Variants in SOX5 observed in about 807,000 individuals in gnomAD.
The protein encoded by SOX5 is SRY-box transcription factor 5, also known as transcription factor SOX-5.
Under a neutral mutation model 92.0 loss-of-function variants are expected in SOX5, and 9 were observed. The ratio of observed to expected loss-of-function variants is 0.10; its 90% confidence interval spans 0.06 to 0.17. SOX5 has a LOEUF of 0.17. SOX5 is among the 10% of genes least tolerant of loss of function. The probability of loss-of-function intolerance (pLI) is 1.00; values close to 1 mark genes in which losing one functional copy is unlikely to be tolerated. For missense variants in SOX5, 642 were observed against 944.5 expected (o/e 0.68, Z 4.20); for synonymous variants, 344 against 336.3 (o/e 1.02, Z -0.25).
At chr12:24,111,189 A>T (rs1464474042) in intron 4 of SOX5, among the ~76,000 whole-genome samples, 1 of 152,138 alleles carries the variant, frequency 6.6e-6, no homozygotes, top group Non-Finnish European at 1.5e-5. Context: ...CCCCCATTGA[A>T]AACACTGCTC....
chr12:24,166,248 G>A (rs889578336), intron 4 of SOX5, among the ~76,000 whole-genome samples: 1 of 152,132 alleles, frequency 6.6e-6, no homozygotes, highest in African/African-American at 2.4e-5. Context: ...CTTCATAGAA[G>A]AGGGAGAGAG....
At chr12:24,310,840 T>C (rs1484126185) in intron 2 of SOX5, among the ~76,000 whole-genome samples, 1 of 151,454 alleles carries the variant, frequency 6.6e-6, no homozygotes, top group Non-Finnish European at 1.5e-5. Flanking sequence ...ATTTTCAGTG[T>C]TTTCAATTTT....
At chr12:24,443,457 T>G (rs7297742) in intron 1 of SOX5, among the ~76,000 whole-genome samples, 56,656 of 152,094 alleles carry the variant, frequency 0.37, 11,227 homozygotes, top group Non-Finnish European at 0.45. Context: ...AAACATAAAC[T>G]GTTCAGCATA....
Position 24,410,888 on chromosome 12 carries a change from G to A in SOX5, c.-250-42249C>T, listed in dbSNP as rs533414394. 7.9e-5 allele frequency among the ~76,000 whole-genome samples: 12 copies of A among 152,202 alleles called. 1 individual carries two copies. Among genetic ancestry groups the A allele is most frequent in the Non-Finnish European group, 1.3e-4 (9 of 68,038 alleles). On this transcript the variant is annotated intron_variant, in intron 1 of 4. Coordinates refer to the SOX5 transcript ENST00000446891. ...TTTTGATAGTAATTGTGTTAAGCCT[G>A]TGTGTCAGTTTGAGGAGAACTGCCA...
intron 6 of SOX5, among the ~76,000 whole-genome samples, chr12:23,700,951 A>G (rs573121143): frequency 2.2e-4 from 34 of 151,766 alleles, no homozygotes; most frequent in African/African-American, 8.0e-4. Context: ...GTATAAATAT[A>G]TATGTGTGTA....
intron 1 of SOX5, among the ~76,000 whole-genome samples, chr12:24,392,221 T>A (rs1330353905): frequency 6.6e-6 from 1 of 152,178 alleles, no homozygotes; most frequent in African/African-American, 2.4e-5. Context: ...TATCTCCCTG[T>A]TCGAGTCTTA....
chr12:23,539,012 A>T (rs1468881126), intron 13 of SOX5, among the ~76,000 whole-genome samples: 2 of 151,380 alleles, frequency 1.3e-5, no homozygotes, highest in Non-Finnish European at 1.5e-5. Flanking sequence ...TCACCGTGTT[A>T]GCCAGGATGG....
chr12:24,484,389 A>G (rs1946307861), intron 1 of SOX5, among the ~76,000 whole-genome samples: 1 of 152,244 alleles, frequency 6.6e-6, no homozygotes, highest in African/African-American at 2.4e-5. Flanking sequence ...GCCTTATTGG[A>G]GATAATCTTG....
intron 1 of SOX5, among the ~76,000 whole-genome samples, chr12:24,517,527 G>A (rs1949901122): frequency 1.3e-5 from 2 of 152,150 alleles, no homozygotes; most frequent in African/African-American, 4.8e-5. Context: ...AGGAAAAAAA[G>A]AGAACCATAT....
At chr12:23,781,473 GAAAAC>G (rs1455807975) in intron 3 of SOX5, among the ~76,000 whole-genome samples, 5 of 151,922 alleles carry the variant, frequency 3.3e-5, no homozygotes, top group Non-Finnish European at 7.4e-5. Context: ...ACATAAAAAG[GAAAAC>G]AAAACAGTTT....
intron 4 of SOX5, among the ~76,000 whole-genome samples, chr12:24,066,721 C>T (rs1940813737): frequency 6.6e-6 from 1 of 152,088 alleles, no homozygotes; most frequent in Admixed American, 6.5e-5. Flanking sequence ...TAAAAGTTCA[C>T]AATCATTCTT....
chr12:24,309,589 T>A (rs1948973086), intron 2 of SOX5, among the ~76,000 whole-genome samples: 4 of 152,174 alleles, frequency 2.6e-5, no homozygotes, highest in African/African-American at 9.7e-5. Flanking sequence ...TTAATAGACA[T>A]GAAAAGGATA....
At chr12:24,453,636 T>C (rs560668083) in intron 1 of SOX5, among the ~76,000 whole-genome samples, 42 of 152,178 alleles carry the variant, frequency 2.8e-4, no homozygotes, top group Non-Finnish European at 5.7e-4. Flanking sequence ...CTTGAAACAA[T>C]TCTCTTGCAG....
At chr12:24,229,697 G>A (rs1379314886) in intron 3 of SOX5, among the ~76,000 whole-genome samples, 1 of 152,128 alleles carries the variant, frequency 6.6e-6, no homozygotes, top group African/African-American at 2.4e-5. Context: ...GCTGTAAAAT[G>A]AGCCACTGAC....
rs578259892 is a variant in SOX5 at position 24,358,308 on chromosome 12, A to C, written c.-174+10255T>G. 2.0e-5 allele frequency among the ~76,000 whole-genome samples: 3 copies of C among 152,330 alleles called. No individual in the cohort carries two copies. The East Asian group carries it at 5.8e-4, about 29-fold the overall frequency. Reference sequence around the variant, plus strand: ...GAATGACTATTTTTATATAAAATTGAGGATTTCCTTTTACCAATAAGAAGC... The same window carrying C: ...GAATGACTATTTTTATATAAAATTGCGGATTTCCTTTTACCAATAAGAAGC... On this transcript the variant is annotated intron_variant, in intron 2 of 4. Coordinates refer to the SOX5 transcript ENST00000446891.
At chr12:24,122,126 T>C (rs1161428307) in intron 4 of SOX5, among the ~76,000 whole-genome samples, 1 of 152,112 alleles carries the variant, frequency 6.6e-6, no homozygotes, top group Non-Finnish European at 1.5e-5. Flanking sequence ...GAGCAAAAAT[T>C]CTTGCACCCA....
intron 3 of SOX5, among the ~76,000 whole-genome samples, chr12:23,822,040 GTCTA>G (rs1469287577): frequency 1.3e-5 from 2 of 152,034 alleles, no homozygotes; most frequent in African/African-American, 2.4e-5. Flanking sequence ...CTGGCTAGCA[GTCTA>G]TCTATTTTGT....
chr12:23,977,577 T>C (rs972160652), intron 4 of SOX5, among the ~76,000 whole-genome samples: 1 of 149,826 alleles, frequency 6.7e-6, no homozygotes, highest in Non-Finnish European at 1.5e-5. Flanking sequence ...GCACAAGAAT[T>C]GCTTGAACCC....
chr12:23,534,714 T>C (rs1939880245), intron 14 of SOX5, among the ~76,000 whole-genome samples, 192 bp from the exon 15 acceptor site: 1 of 149,234 alleles, frequency 6.7e-6, no homozygotes, highest in African/African-American at 2.5e-5. Context: ...CTTTTTTTTT[T>C]TTTTTTTTTG....
Sources: gnomAD v4.1 joint callset for allele counts (sites outside exome capture counted in the v4.1 genomes callset) on GRCh38, gnomAD v4.1.1 for gene constraint, MANE v1.5 for transcripts, NCBI Gene and HGNC (gene_info 2026-07-23, HGNC 2026-07-21) for gene names.